Variants in TULP4 observed in about 807,000 individuals in gnomAD.
TULP4 encodes tubby-related protein 4.
A neutral mutation model predicts 129.0 loss-of-function variants in TULP4; 16 were observed. That is an observed-to-expected ratio of 0.12 (90% confidence interval 0.08 to 0.19). The LOEUF (loss-of-function observed/expected upper bound fraction) is 0.19. Among genes scored for constraint, TULP4 ranks in the 10% least tolerant of loss-of-function variants. TULP4 has a pLI of 1.00. For synonymous variants in TULP4, 998 were observed against 854.0 expected, an observed-to-expected ratio of 1.17 and a Z score of -2.94; for missense variants, 1,842 against 2,059.1, an observed-to-expected ratio of 0.89 and a Z score of 2.04.
At chr6:158,370,603 TAATGA>T (rs1399299426) in intron 1 of TULP4, among the ~76,000 whole-genome samples, 2 of 151,890 alleles carry the variant, frequency 1.3e-5, no homozygotes, top group Admixed American at 6.6e-5. Context: ...TATTCAAACA[TAATGA>T]AATCTGTTTG....
chr6:158,415,586 T>C (rs909307840), intron 2 of TULP4, among the ~76,000 whole-genome samples: 3 of 150,160 alleles, frequency 2.0e-5, no homozygotes, highest in Non-Finnish European at 3.0e-5. Flanking sequence ...GGTCTCGATC[T>C]CCTGACCTCA....
chr6:158,349,702 T>TTCC (rs1780449721), intron 1 of TULP4, among the ~76,000 whole-genome samples: 4 of 103,294 alleles, frequency 3.9e-5, no homozygotes, highest in Admixed American at 2.0e-4. Context: ...TGCTCCTCAC[T>TTCC]TCCCAGACGA....
intron 1 of TULP4, among the ~76,000 whole-genome samples, chr6:158,253,991 A>T (rs1017723716): frequency 1.3e-5 from 2 of 151,860 alleles, no homozygotes; most frequent in Non-Finnish European, 2.9e-5. Flanking sequence ...GTGAGCTGAG[A>T]TTGCCCCACT....
At chr6:158,331,780 C>CGTGTAT (rs1450332063) in intron 1 of TULP4, among the ~76,000 whole-genome samples, 13 of 45,392 alleles carry the variant, frequency 2.9e-4, no homozygotes, top group Non-Finnish European at 3.6e-4. Context: ...CGTATATATA[C>CGTGTAT]ACACACACAT....
At chr6:158,363,774 C>T (rs1039569460) in intron 1 of TULP4, among the ~76,000 whole-genome samples, 8 of 152,214 alleles carry the variant, frequency 5.3e-5, no homozygotes, top group East Asian at 1.9e-4. Context: ...CGTGAGCCAC[C>T]GCGCAAGGCC....
At chr6:158,440,778 G>A (rs891379842) in intron 3 of TULP4, among the ~76,000 whole-genome samples, 2 of 152,068 alleles carry the variant, frequency 1.3e-5, no homozygotes, top group Admixed American at 6.5e-5. Context: ...TTCTTTTTGC[G>A]TGTATTTGAG....
chr6:158,463,763 A>C (rs1196533193), intron 6 of TULP4, among the ~76,000 whole-genome samples: 1 of 150,714 alleles, frequency 6.6e-6, no homozygotes, highest in African/African-American at 2.4e-5. Context: ...GGGATACCAG[A>C]TATGGGGAAA....
At chr6:158,240,384 G>A (rs1175426890) in intron 1 of TULP4, among the ~76,000 whole-genome samples, 1 of 71,366 alleles carries the variant, frequency 1.4e-5, no homozygotes, top group African/African-American at 4.8e-5. Flanking sequence ...GCGGCTGGCC[G>A]GGCAGAGGGG....
chr6:158,240,395 C>T, intron 1 of TULP4, among the ~76,000 whole-genome samples: 1 of 68,362 alleles, frequency 1.5e-5, no homozygotes, highest in South Asian at 5.4e-4. Context: ...GGCAGAGGGG[C>T]TCCTCACTTC....
intron 1 of TULP4, among the ~76,000 whole-genome samples, chr6:158,256,335 T>C (rs1778243418): frequency 6.6e-6 from 1 of 152,228 alleles, no homozygotes; most frequent in Non-Finnish European, 1.5e-5. Flanking sequence ...TCTGTGTGTG[T>C]GTGTATACGT....
rs1780728662 is a variant in TULP4, at chr6:158,511,034, C to T, written c.*4340C>T. The T allele has an allele frequency of 6.6e-6, 1 of 152,600 alleles. No homozygotes were observed. Among genetic ancestry groups the T allele is most frequent in the South Asian group, 2.1e-4 (1 of 4,834 alleles). The allele number at this position is 152,600 out of a possible 1,614,324, so 9.5% of individuals were successfully genotyped here. A position where few individuals can be genotyped will look rare whatever the true frequency, so the allele number is the denominator to read the frequency against. On this transcript the variant is annotated 3_prime_UTR_variant, in exon 14 of 14. Coordinates refer to ENST00000367097, the MANE Select transcript of TULP4 (RefSeq NM_020245.5). ...CTGTAATAGCACACAACTCAGAACT[C>T]TTCAGCATTTGTGTGATTCCTTACC...
At position 158,426,377 on chromosome 6, in the gene TULP4, A is replaced by G. The variant is rs60757327; in HGVS notation, c.382-3359A>G. 4.7e-4 allele frequency among the ~76,000 whole-genome samples: 72 copies of G among 152,226 alleles called. 3 individuals carry two copies. The East Asian group carries it at 0.013, about 28-fold the overall frequency. The stretch of plus-strand genomic sequence containing the variant: ...TTGGGTTTTTACATTTAAGTCTTTA[A>G]TCTTGAGTTGATTTTTGTATATTGT... On this transcript the variant is annotated intron_variant, in intron 2 of 13. Transcript: ENST00000367097.
Position 158,357,530 on chromosome 6 carries a change from C to T in TULP4, c.252+43262C>T, listed in dbSNP as rs1419049446. Among the ~76,000 whole-genome samples, 3 of 152,352 alleles carry T rather than the reference C, an allele frequency of 2.0e-5. No individual in the cohort carries two copies. In the South Asian group the frequency reaches 6.2e-4, roughly 32 times the overall value. ...CTATAGTAAGCCAGCAGCCCTGCGG[C>T]GGCCAGCAATTCCATTAGATGAGTA... On this transcript the variant is annotated intron_variant, in intron 1 of 13. Coordinates refer to ENST00000367097, the MANE Select transcript of TULP4 (RefSeq NM_020245.5).
Position 158,246,023 on chromosome 6 carries a change from G to GGGGGTGT in TULP4, n.68+13721_68+13722insGGGTGTG, listed in dbSNP as rs113914160. ...GTGAGTAATTTGCCTACCCCTTAGG[G>GGGGGTGT]GTGTGTGTGTGTGTGTGTGTGTGTG... On this transcript the variant is annotated intron_variant and non_coding_transcript_variant, in intron 1 of 1. Coordinates refer to the TULP4 transcript ENST00000620026. 1.3e-3 allele frequency among the ~76,000 whole-genome samples: 192 copies of GGGGGTGT among 145,920 alleles called. 4 individuals are homozygous for GGGGGTGT. The highest frequency in any genetic ancestry group is 0.011 in the South Asian group (48 of 4,446).
At chr6:158,419,723 AT>A (rs1334685305) in intron 2 of TULP4, among the ~76,000 whole-genome samples, 1 of 152,226 alleles carries the variant, frequency 6.6e-6, no homozygotes, top group Non-Finnish European at 1.5e-5. Flanking sequence ...ACAAAGTATT[AT>A]TTGGTTCGTA....
intron 1 of TULP4, among the ~76,000 whole-genome samples, chr6:158,354,560 A>G (rs1780600545): frequency 6.6e-6 from 1 of 152,200 alleles, no homozygotes; most frequent in South Asian, 2.1e-4. Context: ...AAAAAAATGT[A>G]TTGAGATGGC....
At chr6:158,430,681 G>C (rs1452929706) in intron 3 of TULP4, among the ~76,000 whole-genome samples, 1 of 152,166 alleles carries the variant, frequency 6.6e-6, no homozygotes, top group Non-Finnish European at 1.5e-5. Flanking sequence ...GGGAGGTGGA[G>C]GTTGCAGTGA....
At chr6:158,439,461 C>T (rs993069395) in intron 3 of TULP4, among the ~76,000 whole-genome samples, 1 of 151,914 alleles carries the variant, frequency 6.6e-6, no homozygotes, top group East Asian at 1.9e-4. Flanking sequence ...TTCTCACCTC[C>T]TCCCAGAGCA....
chr6:158,341,524 G>A lies in TULP4; in HGVS notation c.252+27256G>A, dbSNP rs184895126. 6.8e-4 allele frequency among the ~76,000 whole-genome samples: 103 copies of A among 152,170 alleles called. 1 individual carries two copies. Among genetic ancestry groups the A allele is most frequent in the African/African-American group, 2.2e-3 (90 of 41,520 alleles). On this transcript the variant is annotated intron_variant, in intron 1 of 13. Coordinates refer to ENST00000367097, the MANE Select transcript of TULP4 (RefSeq NM_020245.5). ...GAAGATTCTCCATACTAAACGTTCC[G>A]TCCAACAATATATGAGGGTTCCCTT... is the stretch of plus-strand genomic sequence containing the variant.
Sources: allele counts gnomAD v4.1 joint callset (sites outside exome capture counted in the v4.1 genomes callset), GRCh38; gene constraint gnomAD v4.1.1; transcripts MANE v1.5; gene names NCBI Gene and HGNC (gene_info 2026-07-23, HGNC 2026-07-21).